The following ITGBL1 variants were observed in gnomAD, a reference collection of about 807,000 sequenced individuals.
The protein encoded by ITGBL1 is integrin subunit beta like 1.
ITGBL1 carries 51 observed loss-of-function variants against 68.5 expected under a neutral mutation model. The ratio of observed to expected loss-of-function variants is 0.74; its 90% CI spans 0.59 to 0.94. The LOEUF is 0.94. ITGBL1 is among the 40% of genes least tolerant of loss of function. The pLI is 0.00. For synonymous variants in ITGBL1, 209 were observed against 227.3 expected (o/e 0.92, Z 0.72); for missense variants, 649 against 647.4 (o/e 1.00, Z -0.03).
chr13:101,608,624 T>A (rs73556019), intron 7 of ITGBL1, among the ~76,000 whole-genome samples: 2,039 of 152,150 alleles, frequency 0.013, 40 homozygotes, highest in East Asian at 0.058. Context: ...GGAAATGTGC[T>A]GAGTGTTTAG....
intron 2 of ITGBL1, among the ~76,000 whole-genome samples, chr13:101,520,991 A>C (rs780043004): frequency 6.6e-6 from 1 of 152,306 alleles, no homozygotes; most frequent in African/African-American, 2.4e-5. Flanking sequence ...CCTGTCTTAG[A>C]TCAGAATGCC....
chr13:101,461,426 C>T (rs1326408565), intron 2 of ITGBL1, among the ~76,000 whole-genome samples: 2 of 152,082 alleles, frequency 1.3e-5, no homozygotes, highest in African/African-American at 4.8e-5. Context: ...TGTAGTGGCT[C>T]ACATCGCCTG....
intron 2 of ITGBL1, among the ~76,000 whole-genome samples, chr13:101,485,264 A>G (rs1308751764): frequency 6.6e-6 from 1 of 152,222 alleles, no homozygotes; most frequent in African/African-American, 2.4e-5. Flanking sequence ...ATGAATCTAC[A>G]CTAAGTCATG....
intron 7 of ITGBL1, among the ~76,000 whole-genome samples, chr13:101,612,034 G>C (rs2031152695): frequency 6.6e-6 from 1 of 151,916 alleles, no homozygotes; most frequent in African/African-American, 2.4e-5. Flanking sequence ...TCTTTCCTTT[G>C]GAATATAACA....
chr13:101,560,119 C>G (rs2050075296), intron 2 of ITGBL1, among the ~76,000 whole-genome samples: 1 of 152,122 alleles, frequency 6.6e-6, no homozygotes, highest in Non-Finnish European at 1.5e-5. Flanking sequence ...AATAATTGTA[C>G]TGTCAGATAA....
chr13:101,714,604 A>C, intron 10 of ITGBL1, 53 bp downstream of exon 10: 1 of 1,054,466 alleles, frequency 9.5e-7, no homozygotes, highest in Non-Finnish European at 1.5e-6. Context: ...TTATAGAGCC[A>C]AGAGACACTC....
intron 7 of ITGBL1, among the ~76,000 whole-genome samples, chr13:101,634,318 T>C (rs763315215): frequency 5.3e-5 from 8 of 152,128 alleles, no homozygotes; most frequent in Non-Finnish European, 1.2e-4. Context: ...GACCTTAGCC[T>C]AGTTAAGAAA....
chr13:101,472,085 G>C (rs1170138061), intron 2 of ITGBL1, among the ~76,000 whole-genome samples: 1 of 152,114 alleles, frequency 6.6e-6, no homozygotes, highest in African/African-American at 2.4e-5. Flanking sequence ...ATTTTTATGA[G>C]ATTGATATGA....
chr13:101,480,421 G>T (rs149051460), intron 2 of ITGBL1, among the ~76,000 whole-genome samples: 109 of 152,046 alleles, frequency 7.2e-4, no homozygotes, highest in African/African-American at 2.6e-3. Flanking sequence ...ATAGCTCAAT[G>T]ATGCTATTTT....
intron 6 of ITGBL1, among the ~76,000 whole-genome samples, chr13:101,586,893 G>A (rs1365599369): frequency 3.3e-5 from 5 of 152,164 alleles, no homozygotes; most frequent in Non-Finnish European, 7.3e-5. Flanking sequence ...AACAGTCTAA[G>A]TTGCAGTGTA....
intron 7 of ITGBL1, among the ~76,000 whole-genome samples, chr13:101,614,669 G>A (rs2031278260): frequency 6.6e-6 from 1 of 152,130 alleles, no homozygotes. Context: ...CGCAGCTACG[G>A]TGAGAGGCGA....
chr13:101,616,279 G>A (rs1692147232), intron 7 of ITGBL1, among the ~76,000 whole-genome samples: 1 of 152,094 alleles, frequency 6.6e-6, no homozygotes, highest in African/African-American at 2.4e-5. Context: ...GATATGATAA[G>A]TTCAGGTAAT....
chr13:101,600,882 T>C (rs978962284), intron 7 of ITGBL1, among the ~76,000 whole-genome samples: 9 of 152,194 alleles, frequency 5.9e-5, no homozygotes, highest in African/African-American at 1.9e-4. Flanking sequence ...TCATCAGGGA[T>C]ATTGGTCTAA....
intron 7 of ITGBL1, among the ~76,000 whole-genome samples, chr13:101,690,303 T>G (rs1357847149): frequency 6.6e-6 from 1 of 152,168 alleles, no homozygotes; most frequent in Non-Finnish European, 1.5e-5. Flanking sequence ...ATGCCAGTGT[T>G]TAGTTCATCT....
chr13:101,515,361 G>C (rs1443903008), intron 2 of ITGBL1, among the ~76,000 whole-genome samples: 1 of 151,482 alleles, frequency 6.6e-6, no homozygotes, highest in Non-Finnish European at 1.5e-5. Flanking sequence ...GCATTTTGAT[G>C]GTACACAAAA....
At chr13:101,529,070 C>G (rs2049429166) in intron 2 of ITGBL1, among the ~76,000 whole-genome samples, 1 of 151,548 alleles carries the variant, frequency 6.6e-6, no homozygotes, top group South Asian at 2.1e-4. Context: ...ATAATAATTT[C>G]AGAAATGAAG....
In ITGBL1 at chr13:101,457,449, CT is replaced by C. The variant is rs566815605; in HGVS notation, c.316+3351del. Reference sequence around the variant, plus strand: ...TATACTGTGAATCATAAGAACCATACTTATTATAGTTTGCGCTGGTTGAAAG... The same window carrying C: ...TATACTGTGAATCATAAGAACCATACTATTATAGTTTGCGCTGGTTGAAAG... On this transcript the variant is annotated intron_variant, in intron 2 of 10. Coordinates refer to ENST00000376180, the MANE Select transcript of ITGBL1 (RefSeq NM_004791.3). Among the ~76,000 whole-genome samples, 14 of 152,252 alleles carry C rather than the reference CT, an allele frequency of 9.2e-5. No individual in the cohort carries two copies. In the South Asian group the frequency reaches 2.9e-3, roughly 32 times the overall value.
chr13:101,466,868 G>A (rs1325512437), intron 2 of ITGBL1, among the ~76,000 whole-genome samples: 1 of 152,042 alleles, frequency 6.6e-6, no homozygotes, highest in Non-Finnish European at 1.5e-5. Flanking sequence ...TTTGTTGCAG[G>A]GTAGATGGTT....
intron 7 of ITGBL1, among the ~76,000 whole-genome samples, chr13:101,602,800 T>G (rs1038829549): frequency 2.6e-5 from 4 of 152,068 alleles, no homozygotes; most frequent in African/African-American, 7.2e-5. Flanking sequence ...TTCTGAGTAT[T>G]CCATACAAAT....
Sources: allele counts gnomAD v4.1 joint callset (sites outside exome capture counted in the v4.1 genomes callset), GRCh38; gene constraint gnomAD v4.1.1; transcripts MANE v1.5; gene names NCBI Gene and HGNC (gene_info 2026-07-23, HGNC 2026-07-21).